The following NAV3 variants were observed in gnomAD, a reference collection of about 807,000 sequenced individuals.
The protein encoded by NAV3 is neuron navigator 3.
Under a neutral mutation model 244.7 loss-of-function variants are expected in NAV3, and 87 were observed. The ratio of observed to expected loss-of-function variants is 0.36; its 90% CI spans 0.30 to 0.42. NAV3 has a LOEUF of 0.42. Among genes scored for constraint, NAV3 ranks in the 20% least tolerant of loss-of-function variants. The pLI is 1.00. For synonymous variants in NAV3, 1,126 were observed against 1,042.2 expected, an observed-to-expected ratio of 1.08 and a Z score of -1.55; for missense variants, 2,663 against 2,893.3, an observed-to-expected ratio of 0.92 and a Z score of 1.83.
intron 3 of NAV3, among the ~76,000 whole-genome samples, chr12:77,964,038 T>A (rs931366647): frequency 1.4e-5 from 2 of 143,138 alleles, no homozygotes; most frequent in African/African-American, 5.0e-5. Flanking sequence ...CTCCTTTTTC[T>A]CCTTCTCCTT....
At chr12:77,705,420 A>G (rs542413415) in intron 2 of NAV3, among the ~76,000 whole-genome samples, 1 of 151,582 alleles carries the variant, frequency 6.6e-6, no homozygotes, top group South Asian at 2.1e-4. Context: ...ACAAACAAAC[A>G]AAACTATCTC....
chr12:77,978,871 T>C (rs1868995771), intron 5 of NAV3, among the ~76,000 whole-genome samples: 1 of 151,990 alleles, frequency 6.6e-6, no homozygotes, highest in African/African-American at 2.4e-5. Flanking sequence ...ATTGACTGTA[T>C]TCATTACAAT....
At chr12:77,727,209 G>T (rs1194109453) in intron 2 of NAV3, among the ~76,000 whole-genome samples, 5 of 151,802 alleles carry the variant, frequency 3.3e-5, no homozygotes, top group African/African-American at 1.2e-4. Flanking sequence ...TATAGTGGGA[G>T]GACTGAGTTC....
At chr12:77,890,379 G>C (rs1211223126) in intron 1 of NAV3, among the ~76,000 whole-genome samples, 1 of 152,062 alleles carries the variant, frequency 6.6e-6, no homozygotes, top group Non-Finnish European at 1.5e-5. Flanking sequence ...GCCTCCCAAA[G>C]TGCTGGGATT....
At chr12:77,747,745 A>G (rs1162158244) in intron 2 of NAV3, among the ~76,000 whole-genome samples, 2 of 152,202 alleles carry the variant, frequency 1.3e-5, no homozygotes, top group Non-Finnish European at 2.9e-5. Context: ...GACATGGATG[A>G]AGCTGGAAAC....
chr12:78,028,255 T>C (rs1878411074), intron 9 of NAV3, among the ~76,000 whole-genome samples: 1 of 152,150 alleles, frequency 6.6e-6, no homozygotes, highest in African/African-American at 2.4e-5. Context: ...ATGCTGATGG[T>C]TAAATAAGCA....
chr12:77,828,170 G>T (rs1017219400), upstream of NAV3, among the ~76,000 whole-genome samples: 3 of 152,106 alleles, frequency 2.0e-5, no homozygotes, highest in East Asian at 1.9e-4. Context: ...ATGTTATTGT[G>T]GAAGTGGGAT....
chr12:77,636,464 C>CA (rs372405959), intron 2 of NAV3, among the ~76,000 whole-genome samples: 1,675 of 76,364 alleles, frequency 0.022, 18 homozygotes, highest in South Asian at 0.029. Context: ...GACACCGTCT[C>CA]AAAAAAAAAA....
chr12:78,190,565 G>A (rs2139885648), intron 34 of NAV3, among the ~76,000 whole-genome samples: 1 of 152,136 alleles, frequency 6.6e-6, no homozygotes, highest in Non-Finnish European at 1.5e-5. Flanking sequence ...ACTTTTCTTG[G>A]AGGCATCAGA....
At chr12:77,832,142 A>G (rs1045895906) in intron 1 of NAV3, among the ~76,000 whole-genome samples, 1 of 152,194 alleles carries the variant, frequency 6.6e-6, no homozygotes, top group Non-Finnish European at 1.5e-5. Context: ...TTGCATTTCA[A>G]AGAATTTCTG....
chr12:78,210,286 G>T (rs1960771497), intron 39 of NAV3, 112 bp from the exon 40 acceptor site: 2 of 1,485,438 alleles, frequency 1.3e-6, no homozygotes, highest in South Asian at 2.6e-5. Flanking sequence ...ATTTTCCCCT[G>T]TTACTTGGAT....
chr12:77,619,083 A>G (rs1871256721), intron 2 of NAV3, among the ~76,000 whole-genome samples: 1 of 151,594 alleles, frequency 6.6e-6, no homozygotes, highest in African/African-American at 2.4e-5. Context: ...GGTTAGTACT[A>G]TATTGGACAC....
At chr12:78,074,763 A>G (rs1269892823) in intron 12 of NAV3, among the ~76,000 whole-genome samples, 1 of 152,200 alleles carries the variant, frequency 6.6e-6, no homozygotes, top group African/African-American at 2.4e-5. Context: ...TAGTATTCCA[A>G]TGCCAATTGG....
intron 22 of NAV3, among the ~76,000 whole-genome samples, chr12:78,157,572 A>G (rs1957357921): frequency 1.3e-5 from 2 of 152,028 alleles, no homozygotes; most frequent in Non-Finnish European, 2.9e-5. Context: ...GAATAAAATA[A>G]ATAATTAAAA....
intron 9 of NAV3, among the ~76,000 whole-genome samples, chr12:78,025,622 A>T (rs1441123147): frequency 6.9e-6 from 1 of 144,844 alleles, no homozygotes; most frequent in African/African-American, 2.6e-5. Context: ...AAAAAAAAAA[A>T]AGAAATTTGA....
At chr12:77,715,481 TAATA>T (rs1426863616) in intron 2 of NAV3, among the ~76,000 whole-genome samples, 5 of 151,936 alleles carry the variant, frequency 3.3e-5, no homozygotes, top group African/African-American at 4.8e-5. Flanking sequence ...TTACATACAT[TAATA>T]AATTATTACA....
At chr12:77,656,130 A>G (rs1328528171) in intron 2 of NAV3, among the ~76,000 whole-genome samples, 1 of 151,176 alleles carries the variant, frequency 6.6e-6, no homozygotes, top group Non-Finnish European at 1.5e-5. Flanking sequence ...ATGTAAATGG[A>G]CTAAATGCTC....
At chr12:77,867,562 A>G (rs369876613) in intron 1 of NAV3, among the ~76,000 whole-genome samples, 95 of 151,830 alleles carry the variant, frequency 6.3e-4, no homozygotes, top group East Asian at 1.8e-3. Context: ...TGGGACTACA[A>G]GCGCCCGCCA....
chr12:78,183,429 A>T (rs2139773949), intron 30 of NAV3, among the ~76,000 whole-genome samples: 1 of 152,102 alleles, frequency 6.6e-6, no homozygotes, highest in African/African-American at 2.4e-5. Context: ...TCTACCAGGA[A>T]GGTGCTGTTA....
Sources: allele counts gnomAD v4.1 joint callset (sites outside exome capture counted in the v4.1 genomes callset), GRCh38; gene constraint gnomAD v4.1.1; transcripts MANE v1.5; gene names NCBI Gene and HGNC (gene_info 2026-07-23, HGNC 2026-07-21).